The following POLA1 variants were observed in gnomAD, a reference collection of about 807,000 sequenced individuals.
The protein encoded by POLA1 is DNA polymerase alpha catalytic subunit.
Under a neutral mutation model 124.0 loss-of-function variants are expected in POLA1, and 15 were observed. The ratio of observed to expected loss-of-function variants is 0.12; its 90% CI spans 0.08 to 0.19. The LOEUF is 0.19. Among genes scored for constraint, POLA1 ranks in the 10% least tolerant of loss-of-function variants. The pLI, the probability that POLA1 is intolerant of heterozygous loss-of-function variation, is 1.00. For synonymous variants in POLA1, 408 were observed against 389.4 expected (o/e 1.05, Z -0.56); for missense variants, 886 against 1,103.4 (o/e 0.80, Z 2.79).
intron 35 of POLA1, among the ~76,000 whole-genome samples, chrX:24,895,176 CA>C (rs2047191888): frequency 8.9e-6 from 1 of 112,153 alleles, no homozygotes; most frequent in East Asian, 2.8e-4. Flanking sequence ...GTAGGAATTG[CA>C]CTGAGCTAAA....
chrX:24,988,166 A>G (rs2048498400), intron 36 of POLA1, among the ~76,000 whole-genome samples: 1 of 112,183 alleles, frequency 8.9e-6, no homozygotes, highest in Non-Finnish European at 1.9e-5. Context: ...TCAGGTGCCT[A>G]TTTGCATATT....
At chrX:24,730,441 T>G (rs752968700) in intron 15 of POLA1, among the ~76,000 whole-genome samples, 1 of 110,885 alleles carries the variant, frequency 9.0e-6, no homozygotes, top group South Asian at 3.8e-4. Flanking sequence ...AGACGGAGTT[T>G]CCCCATGTTG....
intron 33 of POLA1, 91 bp downstream of exon 33, chrX:24,841,921 TAAAC>T (rs972392542): frequency 3.4e-6 from 2 of 593,920 alleles, no homozygotes; most frequent in Admixed American, 6.6e-5. Flanking sequence ...AAGGGCGAAA[TAAAC>T]ACACACATGT....
intron 36 of POLA1, among the ~76,000 whole-genome samples, chrX:24,947,127 G>A (rs1490397693): frequency 9.1e-6 from 1 of 109,975 alleles, no homozygotes; most frequent in African/African-American, 3.3e-5. Flanking sequence ...ATATTAGTGG[G>A]ATTAAGTTTG....
intron 35 of POLA1, among the ~76,000 whole-genome samples, chrX:24,894,706 A>T (rs2047183209): frequency 9.0e-6 from 1 of 111,636 alleles, no homozygotes; most frequent in Non-Finnish European, 1.9e-5. Flanking sequence ...TATTGGACTA[A>T]GGCCCAGCCT....
At chrX:24,923,848 A>G (rs1011018807) in intron 35 of POLA1, among the ~76,000 whole-genome samples, 4 of 112,050 alleles carry the variant, frequency 3.6e-5, no homozygotes, top group Admixed American at 9.5e-5. Context: ...AGCTAAGTTA[A>G]CATAGATATT....
At chrX:24,994,762 T>TGGGGGGGGG (rs766804700) in intron 36 of POLA1, among the ~76,000 whole-genome samples, 6 of 33,350 alleles carry the variant, frequency 1.8e-4, no homozygotes, top group Non-Finnish European at 2.3e-4. Flanking sequence ...GGATTGGGGG[T>TGGGGGGGGG]GGGGGGGGCG....
intron 36 of POLA1, among the ~76,000 whole-genome samples, chrX:24,937,270 C>G (rs751219495): frequency 1.8e-5 from 2 of 111,081 alleles, no homozygotes; most frequent in Non-Finnish European, 3.8e-5. Context: ...TCTTTAATGA[C>G]ATATATAATG....
intron 26 of POLA1, among the ~76,000 whole-genome samples, chrX:24,784,866 C>T (rs2148458053): frequency 9.0e-6 from 1 of 111,559 alleles, no homozygotes; most frequent in East Asian, 2.8e-4. Flanking sequence ...AAGATAGGTG[C>T]AGGTACACTG....
At chrX:24,988,090 C>T (rs1278039872) in intron 36 of POLA1, among the ~76,000 whole-genome samples, 1 of 112,691 alleles carries the variant, frequency 8.9e-6, no homozygotes, top group Non-Finnish European at 1.9e-5. Context: ...TTGACTTTAT[C>T]CCCAAAAGAA....
intron 3 of POLA1, 130 bp from the exon 4 acceptor site, chrX:24,704,259 C>A: frequency 2.0e-6 from 1 of 507,820 alleles, no homozygotes; most frequent in Non-Finnish European, 3.5e-6. Flanking sequence ...GAACAGAATT[C>A]TGCTGCACTT....
intron 1 of POLA1, 108 bp downstream of exon 1, chrX:24,694,112 T>C: frequency 1.2e-6 from 1 of 800,179 alleles, no homozygotes; most frequent in Non-Finnish European, 1.8e-6. Flanking sequence ...GGCGCAGACC[T>C]TGGTCGTCCC....
intron 35 of POLA1, among the ~76,000 whole-genome samples, chrX:24,909,916 C>T (rs1046396101): frequency 1.8e-5 from 2 of 110,194 alleles, no homozygotes; most frequent in Non-Finnish European, 3.8e-5. Context: ...TTTCCTTGAG[C>T]AGTGGTTTGT....
rs141738304 is a variant in POLA1, at chrX:24,859,283, G to C, written c.4047+15606G>C. On this transcript the variant is annotated intron_variant, in intron 34 of 36. Transcript: ENST00000379068. ...TTCTTACCGATTAAAATTCAGATTT[G>C]GGAGCACTGCATTAGGCCCCAAGCC... 1.4e-4 allele frequency among the ~76,000 whole-genome samples: 16 copies of C among 111,458 alleles called. No homozygotes were observed. The East Asian group carries it at 4.2e-3, about 29-fold the overall frequency.
chrX:24,822,507 CAG>C (rs1309412226), intron 31 of POLA1, among the ~76,000 whole-genome samples: 3 of 112,289 alleles, frequency 2.7e-5, no homozygotes, highest in African/African-American at 9.7e-5. Flanking sequence ...GTTTTTAAAT[CAG>C]AGTCTTTTGA....
At chrX:24,878,369 A>G (rs967056443) in intron 34 of POLA1, among the ~76,000 whole-genome samples, 2 of 111,574 alleles carry the variant, frequency 1.8e-5, no homozygotes, top group African/African-American at 6.5e-5. Context: ...GCTAGACTTG[A>G]GCAAAGAAAA....
intron 35 of POLA1, among the ~76,000 whole-genome samples, chrX:24,905,557 C>CT (rs2047352924): frequency 2.1e-5 from 2 of 94,623 alleles, no homozygotes; most frequent in African/African-American, 4.0e-5. Flanking sequence ...GGTGAACCCC[C>CT]CCCCCCTTTT....
chrX:24,991,883 T>C (rs2048538954), intron 36 of POLA1, among the ~76,000 whole-genome samples: 1 of 112,803 alleles, frequency 8.9e-6, no homozygotes, highest in African/African-American at 3.2e-5. Context: ...TGTGATTTAA[T>C]GGGTGAGAAT....
In POLA1 at chrX:24,727,883, G is replaced by C. The variant is rs192188948; in HGVS notation, c.1633G>C (p.Val545Leu). The C allele has an allele frequency of 2.5e-6, 3 of 1,209,089 alleles. No homozygotes were observed. The highest frequency in any genetic ancestry group is 1.7e-5 in the African/African-American group (1 of 57,387). Residue 545 changes from valine to leucine, a missense_variant, in exon 15 of 37, where the codon GTG (valine) becomes CTG (leucine). Physicochemically the swap from Val to Leu is conservative, Grantham distance 32. Around this residue, in one of 7 missense-constraint regions of POLA1, gnomAD observed 337 missense variants for 402.8 expected, o/e 0.84. Coordinates refer to ENST00000379068, the MANE Select transcript of POLA1 (RefSeq NM_001330360.2). Reference protein sequence around the residue: ...IKDVSPPPLVVMAFSMKTMQN... With the variant: ...IKDVSPPPLVLMAFSMKTMQN... ...GGATGTCAGTCCACCACCGCTTGTC[G>C]TGATGGCTTTCAGCATGAAGACAAT...
Sources: gnomAD v4.1 joint callset for allele counts (sites outside exome capture counted in the v4.1 genomes callset) on GRCh38, gnomAD v4.1.1 for gene constraint, gnomAD v4.1.1 regional missense constraint, MANE v1.5 for transcripts, NCBI Gene and HGNC (gene_info 2026-07-23, HGNC 2026-07-21) for gene names.